Variants in MAN1B1 observed in about 807,000 individuals in gnomAD.
MAN1B1 encodes endoplasmic reticulum mannosyl-oligosaccharide 1,2-alpha-mannosidase.
In MAN1B1, 66 loss-of-function variants were observed where a neutral mutation model predicts 75.5. The observed-to-expected ratio is 0.87, with a 90% CI of 0.72 to 1.07. The LOEUF is 1.07. MAN1B1 is among the 50% of genes least tolerant of loss of function. The pLI is 0.00. For missense variants in MAN1B1, 973 were observed against 912.5 expected (o/e 1.07, Z -0.85); for synonymous variants, 453 against 382.8 (o/e 1.18, Z -2.14).
At chr9:137,087,670 C>T (rs867352026) in intron 1 of MAN1B1, 2 of 401,698 alleles carry the variant, frequency 5.0e-6, no homozygotes, top group Non-Finnish European at 9.4e-6. Flanking sequence ...ATCGCCTGGG[C>T]GGTGCCTGGG....
intron 7 of MAN1B1, 113 bp from the exon 8 acceptor site, chr9:137,101,371 C>A: frequency 8.5e-7 from 1 of 1,170,736 alleles, no homozygotes; most frequent in Non-Finnish European, 1.3e-6. Context: ...CGTTTCCTTG[C>A]TGCTGTGTTG....
chr9:137,091,652 G>T (rs1830521186), intron 3 of MAN1B1, among the ~76,000 whole-genome samples: 1 of 149,616 alleles, frequency 6.7e-6, no homozygotes, highest in South Asian at 2.1e-4. Context: ...TTGGCCTCCT[G>T]AGTAGCTAGG....
In MAN1B1 at chr9:137,086,995, C is replaced by T. The variant is rs778907104; in HGVS notation, c.-5C>T. The T allele has an allele frequency of 3.1e-6, 5 of 1,588,320 alleles. No individual in the cohort carries two copies. The highest frequency in any genetic ancestry group is 4.3e-6 in the Non-Finnish European group (5 of 1,169,554). The stretch of plus-strand genomic sequence containing the variant: ...TGTGATGGGCGGGCTGTTGACGGCG[C>T]TGCGATGGCTGCCTGCGAGGGCAGG... On this transcript the variant is annotated 5_prime_UTR_variant, in exon 1 of 13. Coordinates refer to ENST00000371589, the MANE Select transcript of MAN1B1 (RefSeq NM_016219.5).
intron 3 of MAN1B1, among the ~76,000 whole-genome samples, chr9:137,090,375 G>T (rs997925819): frequency 6.6e-6 from 1 of 152,098 alleles, no homozygotes; most frequent in African/African-American, 2.4e-5. Flanking sequence ...GACAGACAGC[G>T]CTTTCTAACA....
At chr9:137,094,162 G>A (rs1411996677) in intron 3 of MAN1B1, among the ~76,000 whole-genome samples, 2 of 151,622 alleles carry the variant, frequency 1.3e-5, no homozygotes, top group African/African-American at 4.8e-5. Context: ...TTACAGGGAT[G>A]TGCCACCACG....
intron 2 of MAN1B1, 97 bp downstream of exon 2, chr9:137,088,280 T>C (rs1249477094): frequency 1.2e-6 from 2 of 1,612,298 alleles, no homozygotes; most frequent in Non-Finnish European, 1.7e-6. Flanking sequence ...CCAGGAGGCA[T>C]ATATGGCAAC....
intron 3 of MAN1B1, 162 bp downstream of exon 3, chr9:137,089,167 G>A (rs1213463411): frequency 6.7e-6 from 6 of 894,150 alleles, no homozygotes; most frequent in East Asian, 2.6e-5. Flanking sequence ...AAAGAGAGGC[G>A]TAGTCTTTGC....
rs1830393763 is a variant in MAN1B1, at chr9:137,087,147, A to C, written c.148A>C (p.Ile50Leu). ...GCCGCCGCCGCCTCATCGGGACTTC[A>C]TCTCGGTGACGCTGAGCTTTGGCGA... ...PPPPPPHRDF[I>L]SVTLSFGENY... is the part of the protein sequence containing the mutation. The change falls in exon 1 of 13, where the codon ATC becomes CTC. Residue 50 changes from isoleucine to leucine, a missense_variant. By Grantham distance (5) the Ile-to-Leu change is conservative. Coordinates refer to ENST00000371589, the MANE Select transcript of MAN1B1 (RefSeq NM_016219.5). 1 of 1,593,858 alleles carries C rather than the reference A, an allele frequency of 6.3e-7. No individual in the cohort carries two copies. Among genetic ancestry groups the C allele is most frequent in the Non-Finnish European group, 8.5e-7 (1 of 1,171,548 alleles).
At chr9:137,099,982 C>A in intron 6 of MAN1B1, 101 bp downstream of exon 6, 1 of 1,379,722 alleles carries the variant, frequency 7.2e-7, no homozygotes, top group Non-Finnish European at 1.0e-6. Context: ...CTGTTTGCAT[C>A]TGACCATGGG....
rs1401504539 is a variant in MAN1B1, at chr9:137,106,786, C to T, written c.1543C>T (p.His515Tyr). 9.4e-5 allele frequency: 151 copies of T among 1,613,274 alleles called. No homozygotes were observed. The highest frequency in any genetic ancestry group is 1.3e-4 in the Non-Finnish European group (150 of 1,179,984). Residue 515 changes from histidine to tyrosine, a missense_variant, in exon 10 of 13, where the codon CAC (histidine) becomes TAC (tyrosine). By Grantham distance (83) the His-to-Tyr change is moderately conservative. Transcript: ENST00000371589. ...SKLTFVGELAHGRFSAKMDHL... is the reference protein window; with the variant it reads ...SKLTFVGELAYGRFSAKMDHL... ...GCTCACCTTTGTGGGGGAGCTTGCC[C>T]ACGGCCGCTTCAGTGCCAAGATGGT...
intron 6 of MAN1B1, among the ~76,000 whole-genome samples, chr9:137,100,414 T>C (rs138762357): frequency 6.6e-6 from 1 of 152,332 alleles, no homozygotes; most frequent in Non-Finnish European, 1.5e-5. Context: ...CTGACTCCGT[T>C]TTATTAACAA....
chr9:137,087,268 C>A, intron 1 of MAN1B1, 50 bp downstream of exon 1: 2 of 1,537,144 alleles, frequency 1.3e-6, no homozygotes, highest in Non-Finnish European at 1.8e-6. Flanking sequence ...GTGCCCGCCG[C>A]CCTCCCAGAC....
At position 137,101,657 on chromosome 9, in the gene MAN1B1, G is replaced by A. The variant is rs1830816026; in HGVS notation, c.1239G>A (p.Gly413=). ...TCCGGGAGCTCTCCCGTCTCACAGG[G>A]GATAAGAAGTTTCAGGTAAGGGGGC... The part of the protein sequence containing the change: ...LEFRELSRLT[G]DKKFQEAVEK... Residue 413 remains glycine (G), a synonymous_variant, in exon 8 of 13, where the codon GGG becomes GGA. Transcript: ENST00000371589. 1 of 1,612,398 alleles carries A rather than the reference G, an allele frequency of 6.2e-7. No homozygotes were observed. Among genetic ancestry groups the A allele is most frequent in the Admixed American group, 1.7e-5 (1 of 59,972 alleles).
At chr9:137,092,765 T>C (rs1278894528) in intron 3 of MAN1B1, among the ~76,000 whole-genome samples, 1 of 152,172 alleles carries the variant, frequency 6.6e-6, no homozygotes, top group East Asian at 1.9e-4. Flanking sequence ...GTGTCGGCAA[T>C]GTTTCCAATG....
In MAN1B1 at chr9:137,087,307, G is replaced by A. The variant is rs1010957415; in HGVS notation, c.219+89G>A. The A allele has an allele frequency of 5.0e-6, 7 of 1,409,854 alleles. No homozygotes were observed. In the African/African-American group the frequency reaches 5.7e-5, roughly 12 times the overall value. The allele number at this position is 1,409,854 out of a possible 1,614,324, so 87.3% of individuals were successfully genotyped here. ...GGCTCCGAGCGGGACCTGGGCGGGC[G>A]GACTCGACTCCCCAGGCGCCGCCCT... is the stretch of plus-strand genomic sequence containing the variant. On this transcript the variant is annotated intron_variant, in intron 1 of 12. Transcript: ENST00000371589.
At position 137,107,626 on chromosome 9, in the gene MAN1B1, C is replaced by T. The variant is rs1237482373; in HGVS notation, c.1860C>T (p.Gly620=). 3 of 1,610,562 alleles carry T rather than the reference C, an allele frequency of 1.9e-6. No individual in the cohort carries two copies. The highest frequency in any genetic ancestry group is 2.5e-6 in the Non-Finnish European group (3 of 1,179,962). The part of the protein sequence containing the change: ...VTGDRKYQDW[G]WEILQSFSRF... Reference sequence around the variant, plus strand: ...GGGACCGCAAATACCAGGACTGGGGCTGGGAGATTCTGCAGAGCTTCAGCC... The same window carrying T: ...GGGACCGCAAATACCAGGACTGGGGTTGGGAGATTCTGCAGAGCTTCAGCC... Residue 620 remains glycine, a synonymous_variant, in exon 12 of 13, where the codon GGC becomes GGT. Transcript: ENST00000371589.
intron 4 of MAN1B1, among the ~76,000 whole-genome samples, chr9:137,097,610 A>G (rs1830687854): frequency 6.6e-6 from 1 of 152,176 alleles, no homozygotes; most frequent in Non-Finnish European, 1.5e-5. Context: ...ACCTCAGGCC[A>G]GCCTTGACCC....
chr9:137,100,187 CTG>C (rs1213946693), intron 6 of MAN1B1, among the ~76,000 whole-genome samples: 8 of 152,222 alleles, frequency 5.3e-5, no homozygotes, highest in Non-Finnish European at 1.2e-4. Context: ...GGATGAGTGA[CTG>C]TGGGGCCCCG....
Position 137,087,162 on chromosome 9 carries a change from A to C in MAN1B1, c.163A>C (p.Ser55Arg), listed in dbSNP as rs372680556. 180 of 1,594,242 alleles carry C rather than the reference A, an allele frequency of 1.1e-4. No homozygotes were observed. The highest frequency in any genetic ancestry group is 1.5e-4 in the Non-Finnish European group (174 of 1,171,614). Residue 55 changes from serine to arginine, a missense_variant, in exon 1 of 13, where the codon AGC becomes CGC. Ser to Arg is a moderately radical substitution (Grantham distance 110). Transcript: ENST00000371589. ...PHRDFISVTLSFGENYDNSKS... is the reference protein window; with the variant it reads ...PHRDFISVTLRFGENYDNSKS... ...TCGGGACTTCATCTCGGTGACGCTG[A>C]GCTTTGGCGAGAACTATGACAACAG...
Sources: gnomAD v4.1 joint callset for allele counts (sites outside exome capture counted in the v4.1 genomes callset) on GRCh38, gnomAD v4.1.1 for gene constraint, MANE v1.5 for transcripts, NCBI Gene and HGNC (gene_info 2026-07-23, HGNC 2026-07-21) for gene names.